The following UAP1L1 variants were observed in gnomAD, a reference collection of about 807,000 sequenced individuals.
The protein encoded by UAP1L1 is UDP-N-acetylglucosamine pyrophosphorylase 1 like 1, also known as UDP-N-acetylhexosamine pyrophosphorylase-like protein 1.
In UAP1L1, 45 loss-of-function variants were observed where a neutral mutation model predicts 45.3. The ratio of observed to expected loss-of-function variants is 0.99; its 90% CI spans 0.78 to 1.27. The LOEUF (loss-of-function observed/expected upper bound fraction) is 1.27. Ranked by LOEUF, UAP1L1 falls within the 50% of genes most tolerant of loss-of-function variation. The pLI, the probability that UAP1L1 is intolerant of heterozygous loss-of-function variation, is 0.00. For synonymous variants in UAP1L1, 323 were observed against 303.9 expected (o/e 1.06, Z -0.65); for missense variants, 667 against 694.0 (o/e 0.96, Z 0.44).
At position 137,082,408 on chromosome 9, in the gene UAP1L1, C is replaced by T. The variant is rs1832803208; in HGVS notation, c.1432-229C>T. 2 of 595,570 alleles carry T rather than the reference C, an allele frequency of 3.4e-6. No homozygotes were observed. Among genetic ancestry groups the T allele is most frequent in the Admixed American group, 5.9e-5 (2 of 33,916 alleles). The allele number at this position is 595,570 out of a possible 1,614,324, so 36.9% of individuals were successfully genotyped here. On this transcript the variant is annotated intron_variant, in intron 8 of 8. Transcript: ENST00000409858. This position sits in a 1 kb window ranked among gnomAD's most constrained non-coding sequence, Gnocchi z 5.7. ...TGCCCCTTTCTCTGGTCAGGTCAGA[C>T]CTGTGCGTGACAGGAGGGTCCCCTG...
At position 137,082,978 on chromosome 9, in the gene UAP1L1, G is replaced by C. The variant is rs1832815949; in HGVS notation, c.*249G>C. The stretch of plus-strand genomic sequence containing the variant: ...TGGACACAAGTGGCGACAGCCTGCT[G>C]GGGGCTCTGTGGCTCCATTCCTGGC... On this transcript the variant is annotated 3_prime_UTR_variant, in exon 9 of 9. Coordinates refer to ENST00000409858, the MANE Select transcript of UAP1L1 (RefSeq NM_207309.3). The surrounding 1 kb of genome is among the most constrained non-coding windows in gnomAD (Gnocchi z 5.7). The C allele has an allele frequency of 2.4e-5, 12 of 496,956 alleles. No individual in the cohort carries two copies. The East Asian group carries it at 4.0e-4, about 17-fold the overall frequency. 30.8% of individuals were successfully genotyped at this position (496,956 alleles called of 1,614,324 possible). A position where few individuals can be genotyped will look rare whatever the true frequency, so the allele number is the denominator to read the frequency against.
chr9:137,079,276 C>A lies in UAP1L1; in HGVS notation c.864C>A (p.Pro288=), dbSNP rs1360828680. 1 of 1,611,284 alleles carries A rather than the reference C, an allele frequency of 6.2e-7. No individual in the cohort carries two copies. The highest frequency in any genetic ancestry group is 2.2e-5 in the East Asian group (1 of 44,772). ...CGAKVVEKAY[P]EEPVGVVCQV... ...TGCAGGTGGTGGAAAAGGCATACCC[C>A]GAGGAGCCCGTGGGCGTGGTGTGCC... The change falls in exon 5 of 9, where the codon CCC becomes CCA. Residue 288 remains proline, a synonymous_variant. Transcript: ENST00000409858.
At chr9:137,078,816 C>T in intron 3 of UAP1L1, 139 bp downstream of exon 3, 3 of 1,309,268 alleles carry the variant, frequency 2.3e-6, no homozygotes, top group Non-Finnish European at 3.1e-6. Flanking sequence ...GGGCCTTGAT[C>T]GTCATTTGTC....
rs1003152108 is a variant in UAP1L1, at chr9:137,082,981, G to A, written c.*252G>A. 3.5e-5 allele frequency: 17 copies of A among 488,970 alleles called. No individual in the cohort carries two copies. The highest frequency in any genetic ancestry group is 3.3e-4 in the African/African-American group (17 of 51,658). The allele number at this position is 488,970 out of a possible 1,614,324, so 30.3% of individuals were successfully genotyped here. On this transcript the variant is annotated 3_prime_UTR_variant, in exon 9 of 9. Transcript: ENST00000409858. The surrounding 1 kb of genome is among the most constrained non-coding windows in gnomAD (Gnocchi z 5.7). Reference sequence around the variant, plus strand: ...ACACAAGTGGCGACAGCCTGCTGGGGGCTCTGTGGCTCCATTCCTGGCTGT... The same window carrying A: ...ACACAAGTGGCGACAGCCTGCTGGGAGCTCTGTGGCTCCATTCCTGGCTGT...
intron 6 of UAP1L1, 72 bp downstream of exon 6, chr9:137,080,214 C>G: frequency 6.3e-7 from 1 of 1,580,612 alleles, no homozygotes; most frequent in Non-Finnish European, 8.6e-7. Context: ...TGAGGCGCAG[C>G]TGGTAGGGAA....
Position 137,082,525 on chromosome 9 carries a change from A to G in UAP1L1, c.1432-112A>G, listed in dbSNP as rs1460065508. 1.2e-6 allele frequency: 1 copy of G among 865,198 alleles called. No individual in the cohort carries two copies. Among genetic ancestry groups the G allele is most frequent in the Non-Finnish European group, 1.8e-6 (1 of 545,186 alleles). 53.6% of individuals were successfully genotyped at this position (865,198 alleles called of 1,614,324 possible). A position where few individuals can be genotyped will look rare whatever the true frequency, so the allele number is the denominator to read the frequency against. ...GCCTTTCTGTCCCCACCCCTCCCTG[A>G]CTCCAGGCAGACCTGGGATCGCACC... On this transcript the variant is annotated intron_variant, in intron 8 of 8. Coordinates refer to ENST00000409858, the MANE Select transcript of UAP1L1 (RefSeq NM_207309.3). The surrounding 1 kb of genome is among the most constrained non-coding windows in gnomAD (Gnocchi z 5.7).
intron 5 of UAP1L1, chr9:137,079,663 G>A: frequency 5.0e-6 from 3 of 597,668 alleles, no homozygotes; most frequent in Non-Finnish European, 8.7e-6. Flanking sequence ...TGCTCAGCAG[G>A]CAGCTGCTGT....
Position 137,079,297 on chromosome 9 carries a change from G to A in UAP1L1, c.885G>A (p.Val295=). 6.2e-7 allele frequency: 1 copy of A among 1,612,808 alleles called. No homozygotes were observed. Among genetic ancestry groups the A allele is most frequent in the East Asian group, 2.2e-5 (1 of 44,826 alleles). ...KAYPEEPVGV[V]CQVDGVPQVV... Reference sequence around the variant, plus strand: ...ACCCCGAGGAGCCCGTGGGCGTGGTGTGCCAGGTGGACGGTGTCCCCCAGG... The same window carrying A: ...ACCCCGAGGAGCCCGTGGGCGTGGTATGCCAGGTGGACGGTGTCCCCCAGG... Residue 295 remains valine (V), a synonymous_variant, in exon 5 of 9, where the codon GTG becomes GTA. Transcript: ENST00000409858.
At position 137,077,978 on chromosome 9, in the gene UAP1L1, C is replaced by A. The variant is rs1014567864; in HGVS notation, c.290-72C>A. The A allele has an allele frequency of 6.5e-6, 10 of 1,534,874 alleles. No individual in the cohort carries two copies. The African/African-American group carries it at 1.4e-4, about 21-fold the overall frequency. On this transcript the variant is annotated intron_variant, in intron 1 of 8. Transcript: ENST00000409858. This position sits in a 1 kb window ranked among gnomAD's most constrained non-coding sequence, Gnocchi z 4.7. ...CCCCCGAGTCCTGGCGCCCCAGCCC[C>A]AGAGTTGGTTTCCCCTAAAGCGGAA...
intron 2 of UAP1L1, 69 bp downstream of exon 2, chr9:137,078,323 G>C: frequency 6.6e-7 from 1 of 1,518,696 alleles, no homozygotes; most frequent in Non-Finnish European, 8.8e-7. Context: ...CCCCGCTCCA[G>C]ACGCGAGCCC....
chr9:137,079,420 C>T lies in UAP1L1; in HGVS notation c.1008C>T (p.Phe336=), dbSNP rs139825510. The T allele has an allele frequency of 5.9e-4, 944 of 1,598,350 alleles. 3 individuals carry two copies. The African/African-American group carries it at 0.012, about 20-fold the overall frequency. ...CAGGCAACATCTGCAACCACTTCTTCACCCGAGGCTTCCTTAAGGCGGTCA... is the reference window on the plus strand; with the variant it reads ...CAGGCAACATCTGCAACCACTTCTTTACCCGAGGCTTCCTTAAGGCGGTCA... The part of the protein sequence containing the change: ...YNAGNICNHF[F]TRGFLKAVTR... The change falls in exon 5 of 9, where the codon TTC becomes TTT. Residue 336 remains phenylalanine, a synonymous_variant. Transcript: ENST00000409858.
At chr9:137,078,298 C>T in intron 2 of UAP1L1, 44 bp downstream of exon 2, 1 of 1,511,412 alleles carries the variant, frequency 6.6e-7, no homozygotes, top group Non-Finnish European at 8.9e-7. Context: ...TACCCTTCCC[C>T]ACGCCCCCCC....
intron 7 of UAP1L1, among the ~76,000 whole-genome samples, chr9:137,081,606 C>T (rs1198093757): frequency 1.3e-5 from 2 of 152,110 alleles, no homozygotes; most frequent in East Asian, 3.8e-4. Context: ...ATCCATCACC[C>T]AACCAACGTT....
In UAP1L1 at chr9:137,082,349, C is replaced by T. The variant is rs1011133296; in HGVS notation, c.1431+285C>T. 18 of 597,512 alleles carry T rather than the reference C, an allele frequency of 3.0e-5. No homozygotes were observed. The highest frequency in any genetic ancestry group is 1.0e-4 in the South Asian group (5 of 49,950). 37.0% of individuals were successfully genotyped at this position (597,512 alleles called of 1,614,324 possible). On this transcript the variant is annotated intron_variant, in intron 8 of 8. Transcript: ENST00000409858. This position sits in a 1 kb window ranked among gnomAD's most constrained non-coding sequence, Gnocchi z 5.7. ...TGGGGGCCTTGCGGAGGGAGGACAC[C>T]GGCCTCTGCTACCTCCCTGACCTCG...
At chr9:137,081,610 CA>C (rs1832789052) in intron 7 of UAP1L1, among the ~76,000 whole-genome samples, 1 of 152,134 alleles carries the variant, frequency 6.6e-6, no homozygotes, top group Non-Finnish European at 1.5e-5. Context: ...ATCACCCAAC[CA>C]ACGTTGTTCC....
intron 5 of UAP1L1, chr9:137,079,707 T>C (rs938231500): frequency 3.4e-6 from 2 of 581,990 alleles, no homozygotes; most frequent in Non-Finnish European, 6.0e-6. Flanking sequence ...ATCTCCTCCT[T>C]CTGGGGACCT....
At chr9:137,080,486 G>A (rs943065816) in intron 6 of UAP1L1, 6 of 625,460 alleles carry the variant, frequency 9.6e-6, no homozygotes, top group South Asian at 2.1e-5. Flanking sequence ...TTGGGCCTTC[G>A]GCTGCTGGAA....
Position 137,077,714 on chromosome 9 carries a change from A to G in UAP1L1, c.182A>G (p.His61Arg), listed in dbSNP as rs1448116895. 1.7e-6 allele frequency: 2 copies of G among 1,156,012 alleles called. No homozygotes were observed. Among genetic ancestry groups the G allele is most frequent in the East Asian group, 4.1e-5 (1 of 24,622 alleles). The allele number at this position is 1,156,012 out of a possible 1,614,324, so 71.6% of individuals were successfully genotyped here. A position where few individuals can be genotyped will look rare whatever the true frequency, so the allele number is the denominator to read the frequency against. Residue 61 changes from histidine (H) to arginine (R), a missense_variant, in exon 1 of 9, where the codon CAC becomes CGC. Coordinates refer to ENST00000409858, the MANE Select transcript of UAP1L1 (RefSeq NM_207309.3). This position sits in a 1 kb window ranked among gnomAD's most constrained non-coding sequence, Gnocchi z 4.7. ...RRAAEACARP[H>R]GPPPDLAARL... ...GCGGCGGAGGCCTGCGCGCGCCCCC[A>G]CGGCCCGCCGCCCGACTTGGCCGCG... is the stretch of plus-strand genomic sequence containing the variant.
chr9:137,080,536 C>T, intron 6 of UAP1L1, 153 bp from the exon 7 acceptor site: 1 of 765,718 alleles, frequency 1.3e-6, no homozygotes, highest in Non-Finnish European at 2.1e-6. Flanking sequence ...GTCTCAGGAG[C>T]AAAAACACTC....
Sources: gnomAD v4.1 joint callset for allele counts (sites outside exome capture counted in the v4.1 genomes callset) on GRCh38, gnomAD v4.1.1 for gene constraint, Gnocchi (gnomAD v3.1) non-coding constraint, MANE v1.5 for transcripts, NCBI Gene and HGNC (gene_info 2026-07-23, HGNC 2026-07-21) for gene names.